RAPGEF6: variants seen among roughly 807,000 people sequenced by gnomAD.
The protein encoded by RAPGEF6 is PDZ domain containing guanine nucleotide exchange factor (GEF) 2.
Under a neutral mutation model 171.4 loss-of-function variants are expected in RAPGEF6, and 56 were observed. The observed-to-expected ratio is 0.33, with a 90% CI of 0.26 to 0.41. RAPGEF6 has a LOEUF of 0.41. Ranked by LOEUF, RAPGEF6 falls within the 10% of genes least tolerant of loss-of-function variation. RAPGEF6 has a pLI of 1.00. For synonymous variants in RAPGEF6, 692 were observed against 650.1 expected, an observed-to-expected ratio of 1.06 and a Z score of -0.98; for missense variants, 1,674 against 1,921.4, an observed-to-expected ratio of 0.87 and a Z score of 2.41.
intron 6 of RAPGEF6, among the ~76,000 whole-genome samples, chr5:131,531,682 T>G (rs1050773674): frequency 1.3e-5 from 2 of 152,190 alleles, no homozygotes; most frequent in Non-Finnish European, 2.9e-5. Context: ...AATTGTAAAA[T>G]AGCACAATTC....
chr5:131,572,240 G>A (rs1354019266), intron 4 of RAPGEF6, among the ~76,000 whole-genome samples: 1 of 152,084 alleles, frequency 6.6e-6, no homozygotes, highest in East Asian at 1.9e-4. Context: ...TCCGTGAGGA[G>A]ATCCACCTAT....
intron 4 of RAPGEF6, among the ~76,000 whole-genome samples, chr5:131,586,564 G>A (rs1192786807): frequency 3.3e-5 from 5 of 152,144 alleles, no homozygotes; most frequent in Admixed American, 2.0e-4. Flanking sequence ...CTGGGAGGTG[G>A]AGGTTGCAGT....
At chr5:131,430,380 A>G (rs959926397) in intron 26 of RAPGEF6, among the ~76,000 whole-genome samples, 1 of 152,210 alleles carries the variant, frequency 6.6e-6, no homozygotes, top group African/African-American at 2.4e-5. Context: ...TGGCACACTC[A>G]TGATGTACAC....
intron 4 of RAPGEF6, 40 bp from the exon 5 acceptor site, chr5:131,562,087 T>TA (rs1226359732): frequency 1.5e-6 from 2 of 1,303,396 alleles, no homozygotes; most frequent in African/African-American, 3.1e-5. Flanking sequence ...CAAAGGTTAT[T>TA]AATAAAATAT....
intron 15 of RAPGEF6, among the ~76,000 whole-genome samples, chr5:131,481,231 T>G (rs1376825530): frequency 6.6e-6 from 1 of 151,560 alleles, no homozygotes; most frequent in East Asian, 1.9e-4. Context: ...GGCCCTTTTT[T>G]TTTCCTTTTT....
intron 1 of RAPGEF6, among the ~76,000 whole-genome samples, chr5:131,631,524 TA>T (rs1766304938): frequency 6.6e-6 from 1 of 152,206 alleles, no homozygotes; most frequent in African/African-American, 2.4e-5. Context: ...CCACTTCCAT[TA>T]CTATCACTAT....
intron 5 of RAPGEF6, among the ~76,000 whole-genome samples, chr5:131,560,592 G>C (rs1284839449): frequency 6.6e-6 from 1 of 152,134 alleles, no homozygotes; most frequent in Non-Finnish European, 1.5e-5. Flanking sequence ...TAAAAAGAAA[G>C]AATTCTGAGG....
At chr5:131,616,021 C>G (rs952654795) in intron 1 of RAPGEF6, among the ~76,000 whole-genome samples, 2 of 152,036 alleles carry the variant, frequency 1.3e-5, no homozygotes, top group African/African-American at 4.8e-5. Context: ...CAACAAAATA[C>G]TGCAGAAATT....
intron 7 of RAPGEF6, among the ~76,000 whole-genome samples, chr5:131,520,218 A>G (rs1758382575): frequency 6.6e-6 from 1 of 152,236 alleles, no homozygotes; most frequent in African/African-American, 2.4e-5. Flanking sequence ...TTCCTCAGAC[A>G]ATGATACTAT....
intron 5 of RAPGEF6, among the ~76,000 whole-genome samples, chr5:131,548,764 C>T (rs1442800458): frequency 6.6e-6 from 1 of 152,098 alleles, no homozygotes; most frequent in African/African-American, 2.4e-5. Flanking sequence ...ACACAACAGC[C>T]CTGTAAGCAG....
Position 131,515,874 on chromosome 5 carries a change from G to C in RAPGEF6, c.628-5383C>G, listed in dbSNP as rs374018649. Among the ~76,000 whole-genome samples, 4 of 152,240 alleles carry C rather than the reference G, an allele frequency of 2.6e-5. No homozygotes were observed. The East Asian group carries it at 5.8e-4, about 22-fold the overall frequency. On this transcript the variant is annotated intron_variant, in intron 7 of 27. Coordinates refer to ENST00000509018, the MANE Select transcript of RAPGEF6 (RefSeq NM_016340.6). ...AAAATATAAAACTACATTGTAGTTAGAGGTAAAAGGCTTGGAATTTAAAAT... is the reference window on the plus strand; with the variant it reads ...AAAATATAAAACTACATTGTAGTTACAGGTAAAAGGCTTGGAATTTAAAAT...
chr5:131,591,669 A>G (rs1763600950), intron 4 of RAPGEF6, among the ~76,000 whole-genome samples: 1 of 152,152 alleles, frequency 6.6e-6, no homozygotes, highest in African/African-American at 2.4e-5. Context: ...TACCATTATT[A>G]TTCCCATTTG....
chr5:131,465,768 G>T (rs1460441667), intron 17 of RAPGEF6, among the ~76,000 whole-genome samples: 2 of 152,056 alleles, frequency 1.3e-5, no homozygotes, highest in African/African-American at 2.4e-5. Flanking sequence ...GGGCAACAGA[G>T]TAAGACCCAG....
In RAPGEF6 at chr5:131,464,228, T is replaced by A. The variant is rs146061379; in HGVS notation, c.2293A>T (p.Ile765Phe). Residue 765 changes from isoleucine (I) to phenylalanine (F), a missense_variant, in exon 18 of 28, where the codon ATT becomes TTT. By Grantham distance (21) the Ile-to-Phe change is conservative. Transcript: ENST00000509018. ...VFKVDQQSCY[I>F]IISKDTTAKE... Reference sequence around the variant, plus strand: ...GCTGTGGTGTCTTTACTGATGATAATGTAGCAACTTTGCTGATCCACTTTG... The same window carrying A: ...GCTGTGGTGTCTTTACTGATGATAAAGTAGCAACTTTGCTGATCCACTTTG... 1 of 1,613,714 alleles carries A rather than the reference T, an allele frequency of 6.2e-7. No individual in the cohort carries two copies. Among genetic ancestry groups the A allele is most frequent in the East Asian group, 2.2e-5 (1 of 44,834 alleles).
intron 17 of RAPGEF6, among the ~76,000 whole-genome samples, chr5:131,469,302 C>T (rs1754586972): frequency 6.6e-6 from 1 of 152,068 alleles, no homozygotes; most frequent in Non-Finnish European, 1.5e-5. Flanking sequence ...TATATTCTAT[C>T]TTATTCTGGC....
intron 5 of RAPGEF6, among the ~76,000 whole-genome samples, chr5:131,553,626 T>C (rs965012961): frequency 6.6e-6 from 1 of 151,908 alleles, no homozygotes; most frequent in African/African-American, 2.4e-5. Context: ...AAAATGAAAA[T>C]GTTAGAAACA....
chr5:131,612,726 A>G (rs1765008184), intron 1 of RAPGEF6, among the ~76,000 whole-genome samples: 1 of 152,216 alleles, frequency 6.6e-6, no homozygotes, highest in African/African-American at 2.4e-5. Context: ...GACTTACTCC[A>G]TGTGGGTAGG....
intron 6 of RAPGEF6, among the ~76,000 whole-genome samples, chr5:131,527,809 A>C (rs1353755006): frequency 6.6e-6 from 1 of 151,730 alleles, no homozygotes; most frequent in African/African-American, 2.4e-5. Context: ...AGGTCAGGAG[A>C]TCGAGACCAT....
chr5:131,566,627 A>T (rs1761956043), intron 4 of RAPGEF6, among the ~76,000 whole-genome samples: 1 of 152,154 alleles, frequency 6.6e-6, no homozygotes, highest in South Asian at 2.1e-4. Flanking sequence ...CCATTACCCT[A>T]ATACAAAGTC....
Sources: allele counts gnomAD v4.1 joint callset (sites outside exome capture counted in the v4.1 genomes callset), GRCh38; gene constraint gnomAD v4.1.1; transcripts MANE v1.5; gene names NCBI Gene and HGNC (gene_info 2026-07-23, HGNC 2026-07-21).